The following NPAS3 variants were observed in gnomAD, a reference collection of about 807,000 sequenced individuals.
The protein encoded by NPAS3 is neuronal PAS domain protein 3, also known as neuronal PAS domain-containing protein 3.
A neutral mutation model predicts 73.1 loss-of-function variants in NPAS3; 14 were observed. The observed-to-expected ratio is 0.19, with a 90% CI of 0.13 to 0.30. The LOEUF is 0.30. Among genes scored for constraint, NPAS3 ranks in the 10% least tolerant of loss-of-function variants. The pLI is 1.00. For missense variants in NPAS3, 1,096 were observed against 1,250.0 expected, an observed-to-expected ratio of 0.88 and a Z score of 1.86; for synonymous variants, 620 against 541.5, an observed-to-expected ratio of 1.14 and a Z score of -2.01.
At chr14:33,546,834 A>G (rs1012330249) in intron 4 of NPAS3, among the ~76,000 whole-genome samples, 7 of 152,236 alleles carry the variant, frequency 4.6e-5, no homozygotes, top group East Asian at 1.9e-4. Context: ...TCACTAGCTC[A>G]TGTGAAATTA....
intron 1 of NPAS3, among the ~76,000 whole-genome samples, chr14:32,980,526 A>C (rs2037852979): frequency 6.6e-6 from 1 of 152,222 alleles, no homozygotes; most frequent in Non-Finnish European, 1.5e-5. Context: ...ATTTTTTTGT[A>C]ATGAGCTGTA....
intron 1 of NPAS3, among the ~76,000 whole-genome samples, chr14:32,990,599 T>A (rs994347407): frequency 3.9e-5 from 6 of 151,982 alleles, no homozygotes; most frequent in Admixed American, 3.9e-4. Context: ...AAATGACCAA[T>A]CAAAAACTTG....
At chr14:33,484,449 GC>G (rs564897868) in intron 4 of NPAS3, among the ~76,000 whole-genome samples, 22 of 152,140 alleles carry the variant, frequency 1.4e-4, no homozygotes, top group Non-Finnish European at 2.6e-4. Flanking sequence ...GTTTTACAGG[GC>G]TTGACCTGTT....
chr14:33,578,797 T>C (rs190915284), intron 5 of NPAS3, among the ~76,000 whole-genome samples: 1 of 152,278 alleles, frequency 6.6e-6, no homozygotes, highest in East Asian at 1.9e-4. Context: ...ACTGGCCCAA[T>C]TTATTCATCA....
intron 4 of NPAS3, among the ~76,000 whole-genome samples, chr14:33,543,434 C>A (rs769488925): frequency 3.9e-5 from 6 of 152,104 alleles, no homozygotes; most frequent in Non-Finnish European, 8.8e-5. Flanking sequence ...TATATCAGTC[C>A]ATTACACTTT....
At chr14:33,329,050 C>G (rs1201796789) in intron 3 of NPAS3, among the ~76,000 whole-genome samples, 1 of 152,126 alleles carries the variant, frequency 6.6e-6, no homozygotes, top group Non-Finnish European at 1.5e-5. Context: ...GCTGTCTGGA[C>G]ATTCCTTATC....
intron 4 of NPAS3, among the ~76,000 whole-genome samples, chr14:33,557,142 T>G (rs1171115467): frequency 1.3e-5 from 2 of 151,596 alleles, no homozygotes; most frequent in Non-Finnish European, 2.9e-5. Context: ...AGGAAATATC[T>G]CTCCCCTTGC....
rs552670448 is a variant in NPAS3 at position 33,218,207 on chromosome 14, A to T, written c.385+2781A>T. 2.0e-5 allele frequency among the ~76,000 whole-genome samples: 3 copies of T among 152,262 alleles called. 1 individual carries two copies. In the South Asian group the frequency reaches 6.2e-4, roughly 32 times the overall value. On this transcript the variant is annotated intron_variant, in intron 3 of 11. Coordinates refer to ENST00000356141, the Ensembl canonical transcript of NPAS3. ...TTATTATATTTAAAATTCCATCCAG[A>T]TGGTGGCAGAGCATCTAAGTTGGTA...
chr14:33,794,610 ATT>A (rs5807747), intron 10 of NPAS3, among the ~76,000 whole-genome samples: 17 of 143,330 alleles, frequency 1.2e-4, no homozygotes, highest in African/African-American at 2.8e-4. Context: ...AATGAAGGCA[ATT>A]TTTTTTTTTT....
chr14:33,493,978 T>A (rs1440040162), intron 4 of NPAS3, among the ~76,000 whole-genome samples: 1 of 152,162 alleles, frequency 6.6e-6, no homozygotes, highest in East Asian at 1.9e-4. Context: ...GCAGTAATTA[T>A]GTTTCATAAT....
At chr14:33,293,205 A>T (rs2042168365) in intron 3 of NPAS3, among the ~76,000 whole-genome samples, 1 of 152,174 alleles carries the variant, frequency 6.6e-6, no homozygotes, top group African/African-American at 2.4e-5. Context: ...GAAAAATCTT[A>T]AGATATAGAA....
intron 1 of NPAS3, among the ~76,000 whole-genome samples, chr14:32,971,990 G>A (rs1393897287): frequency 1.4e-5 from 2 of 143,600 alleles, no homozygotes; most frequent in African/African-American, 2.6e-5. Flanking sequence ...CCAGGCAGGA[G>A]TGCAGTGGCG....
At chr14:33,233,878 A>G (rs1472352957) in intron 3 of NPAS3, among the ~76,000 whole-genome samples, 1 of 152,184 alleles carries the variant, frequency 6.6e-6, no homozygotes, top group Non-Finnish European at 1.5e-5. Context: ...AAAAACAATT[A>G]CACTATGTTG....
chr14:33,055,061 A>C (rs1305285409), intron 1 of NPAS3, among the ~76,000 whole-genome samples: 1 of 152,202 alleles, frequency 6.6e-6, no homozygotes, highest in African/African-American at 2.4e-5. Flanking sequence ...TCGTACTGAT[A>C]TTGTGTATTG....
intron 1 of NPAS3, among the ~76,000 whole-genome samples, chr14:32,977,047 A>AACACACACAC (rs10628639): frequency 0.11 from 15,885 of 149,254 alleles, 1,382 homozygotes; most frequent in African/African-American, 0.24. Flanking sequence ...TGGTCAAGGT[A>AACACACACAC]ACACACACAC....
intron 3 of NPAS3, among the ~76,000 whole-genome samples, chr14:33,363,474 C>T (rs2045697574): frequency 1.3e-5 from 2 of 152,180 alleles, no homozygotes; most frequent in African/African-American, 4.8e-5. Flanking sequence ...TTTTGGATTT[C>T]TGAGACAATC....
chr14:33,209,751 T>A (rs1594401042), intron 2 of NPAS3, among the ~76,000 whole-genome samples: 1 of 152,258 alleles, frequency 6.6e-6, no homozygotes, highest in South Asian at 2.1e-4. Flanking sequence ...AAAGGTAAAA[T>A]TTAAAATGGT....
intron 4 of NPAS3, among the ~76,000 whole-genome samples, chr14:33,437,821 T>C (rs1320934588): frequency 6.6e-6 from 1 of 152,198 alleles, no homozygotes; most frequent in Non-Finnish European, 1.5e-5. Context: ...ACTTTTCAGA[T>C]GTGGTAGGGT....
At chr14:33,799,867 C>T (rs756203542) in exon 12 of NPAS3, 1 of 1,614,166 alleles carries the variant, frequency 6.2e-7, no homozygotes, top group Admixed American at 1.7e-5. Context: ...GCCACAGCTC[C>T]AGTAACCCGG....
Sources: gnomAD v4.1 joint callset for allele counts (sites outside exome capture counted in the v4.1 genomes callset) on GRCh38, gnomAD v4.1.1 for gene constraint, MANE v1.5 for transcripts, NCBI Gene and HGNC (gene_info 2026-07-23, HGNC 2026-07-21) for gene names.